PPAT: variants seen among roughly 807,000 people sequenced by gnomAD.
PPAT encodes the protein phosphoribosyl pyrophosphate amidotransferase, also known as amidophosphoribosyltransferase.
Under a neutral mutation model 60.2 loss-of-function variants are expected in PPAT, and 20 were observed. That is an observed-to-expected ratio of 0.33 (90% CI 0.23 to 0.48). The LOEUF (loss-of-function observed/expected upper bound fraction) is 0.48, where lower values mean the gene tolerates loss of function less well. Ranked by LOEUF, PPAT falls within the 20% of genes least tolerant of loss-of-function variation. The probability of loss-of-function intolerance (pLI) is 0.99; values close to 1 mark genes in which losing one functional copy is unlikely to be tolerated. For missense variants in PPAT, 349 were observed against 629.6 expected (o/e 0.55, Z 4.77); for synonymous variants, 194 against 215.1 (o/e 0.90, Z 0.86).
At chr4:56,413,282 G>A (rs922080661) in intron 1 of PPAT, among the ~76,000 whole-genome samples, 11 of 152,068 alleles carry the variant, frequency 7.2e-5, no homozygotes, top group African/African-American at 2.7e-4. Flanking sequence ...TCAGCCTCCT[G>A]AGCTGGGATT....
At chr4:56,409,217 T>C (rs111767597) in intron 1 of PPAT, among the ~76,000 whole-genome samples, 70 of 152,356 alleles carry the variant, frequency 4.6e-4, no homozygotes, top group African/African-American at 1.7e-3. Flanking sequence ...GAAAGGAAGT[T>C]ACTTTCCCAT....
chr4:56,411,722 C>T (rs964560597), intron 1 of PPAT, among the ~76,000 whole-genome samples: 2 of 152,120 alleles, frequency 1.3e-5, no homozygotes, highest in Non-Finnish European at 2.9e-5. Flanking sequence ...AAGTTATATG[C>T]GTTTAGTAAT....
At chr4:56,399,427 TGAG>T (rs1270258443) in intron 8 of PPAT, 27 bp from the exon 9 acceptor site, 1 of 1,554,208 alleles carries the variant, frequency 6.4e-7, no homozygotes, top group Non-Finnish European at 8.9e-7. Flanking sequence ...GAAAGGATAA[TGAG>T]GAGTAATATA....
intron 1 of PPAT, chr4:56,410,498 T>C: frequency 1.0e-6 from 1 of 985,470 alleles, no homozygotes; most frequent in Non-Finnish European, 1.2e-6. Context: ...AGTGAATCAT[T>C]TCCAGGTCAC....
chr4:56,395,409 CTT>C lies in PPAT; in HGVS notation c.1495_1496del (p.Lys499GlufsTer27). The C allele has an allele frequency of 6.2e-7, 1 of 1,611,026 alleles. No individual in the cohort carries two copies. Among genetic ancestry groups the C allele is most frequent in the Non-Finnish European group, 8.5e-7 (1 of 1,178,244 alleles). ...ENGNGLECFE[K>X]SGHCTACLTG... ...TGAGACAAGCTGTACAATGACCACT[CTT>C]TTCAAAACATTCCAGACCATTTCCA... On this transcript the variant is annotated frameshift_variant, in exon 11 of 11. Coordinates refer to ENST00000264220, the MANE Select transcript of PPAT (RefSeq NM_002703.5). LOFTEE classifies it high-confidence loss of function.
At chr4:56,430,968 T>C (rs1256526930) in intron 1 of PPAT, among the ~76,000 whole-genome samples, 1 of 152,006 alleles carries the variant, frequency 6.6e-6, no homozygotes, top group East Asian at 1.9e-4. Context: ...TAAATTCTGC[T>C]TCAGACTAAT....
intron 1 of PPAT, among the ~76,000 whole-genome samples, chr4:56,430,044 T>C (rs1717500268): frequency 6.6e-6 from 1 of 152,156 alleles, no homozygotes; most frequent in South Asian, 2.1e-4. Flanking sequence ...GAGGATCACT[T>C]GAACTCAGGA....
At chr4:56,401,502 AAAG>A (rs754048656) in intron 6 of PPAT, 21 bp from the exon 7 acceptor site, 23 of 1,568,032 alleles carry the variant, frequency 1.5e-5, no homozygotes, top group South Asian at 7.1e-5. Flanking sequence ...AATGTTAAAG[AAAG>A]AAGACTTTTA....
At chr4:56,416,069 CAAAA>C (rs34117895) in intron 1 of PPAT, among the ~76,000 whole-genome samples, 8 of 139,476 alleles carry the variant, frequency 5.7e-5, no homozygotes, top group Middle Eastern at 3.7e-3. Flanking sequence ...GACTCTGTCT[CAAAA>C]AAAAAAAAAA....
At position 56,404,645 on chromosome 4, in the gene PPAT, A is replaced by T. The variant is rs186605830; in HGVS notation, c.403-1244T>A. Among the ~76,000 whole-genome samples, 394 of 151,994 alleles carry T rather than the reference A, an allele frequency of 2.6e-3. 3 individuals are homozygous for T. The highest frequency in any genetic ancestry group is 9.1e-3 in the African/African-American group (377 of 41,458). On this transcript the variant is annotated intron_variant, in intron 3 of 10. Transcript: ENST00000264220. ...GGTTATCTCTAAGTGGTGAATTTTT[A>T]AGAAATTTTTACTCCATATTTATAC...
intron 3 of PPAT, among the ~76,000 whole-genome samples, chr4:56,404,949 C>T (rs933288747): frequency 2.0e-5 from 3 of 152,016 alleles, no homozygotes; most frequent in African/African-American, 7.3e-5. Flanking sequence ...GTGCATGTAA[C>T]CATCTATTAC....
At chr4:56,403,896 T>C in intron 3 of PPAT, 1 of 305,666 alleles carries the variant, frequency 3.3e-6, no homozygotes, top group South Asian at 2.9e-5. Flanking sequence ...CTAATGCTGC[T>C]GCTGATCTGG....
intron 3 of PPAT, among the ~76,000 whole-genome samples, chr4:56,406,192 G>A (rs1000293847): frequency 1.3e-5 from 2 of 152,120 alleles, no homozygotes; most frequent in Non-Finnish European, 2.9e-5. Context: ...GAGATAGCAA[G>A]TCCATAAACT....
At chr4:56,409,277 AC>A (rs1433663625) in intron 1 of PPAT, among the ~76,000 whole-genome samples, 2 of 152,200 alleles carry the variant, frequency 1.3e-5, no homozygotes, top group African/African-American at 4.8e-5. Flanking sequence ...AGACAATCCA[AC>A]TGCAGAATTT....
chr4:56,406,545 C>G lies in PPAT; in HGVS notation c.352G>C (p.Ala118Pro). 3.7e-6 allele frequency: 6 copies of G among 1,613,170 alleles called. No homozygotes were observed. The highest frequency in any genetic ancestry group is 5.1e-6 in the Non-Finnish European group (6 of 1,180,006). Residue 118 changes from alanine (A) to proline (P), a missense_variant, in exon 3 of 11, where the codon GCT becomes CCT. Ala to Pro is a conservative substitution (Grantham distance 27). Transcript: ENST00000264220. ...FVVETLHGKI[A>P]VAHNGELVNA... ...ACCAATTCGCCATTATGTGCCACAG[C>G]TATCTTCCCATGAAGTGTTTCAACA...
chr4:56,435,491 G>A lies in PPAT; in HGVS notation c.-14C>T, dbSNP rs1438933888. The A allele has an allele frequency of 1.2e-6, 2 of 1,613,028 alleles. No individual in the cohort carries two copies. Among genetic ancestry groups the A allele is most frequent in the African/African-American group, 1.3e-5 (1 of 74,908 alleles). ...CTCCAGCTCCATGTCGCCGCCGAAA[G>A]CACGTGGAAGGACCTGCCGCTGCGG... On this transcript the variant is annotated 5_prime_UTR_variant, in exon 1 of 11. Transcript: ENST00000264220.
intron 1 of PPAT, chr4:56,425,504 T>C (rs568811946): frequency 1.9e-5 from 6 of 309,426 alleles, no homozygotes; most frequent in African/African-American, 1.1e-4. Flanking sequence ...TATGAAGTCA[T>C]GATTTTTCTA....
At chr4:56,416,433 A>T in intron 1 of PPAT, 1 of 679,124 alleles carries the variant, frequency 1.5e-6, no homozygotes, top group Non-Finnish European at 1.8e-6. Context: ...AGACCAATGG[A>T]ACTAGGTATA....
At chr4:56,427,403 G>T (rs1180845713) in intron 1 of PPAT, among the ~76,000 whole-genome samples, 1 of 152,152 alleles carries the variant, frequency 6.6e-6, no homozygotes, top group Non-Finnish European at 1.5e-5. Flanking sequence ...GGCATATGCT[G>T]AAAGTTTCTG....
Sources: allele counts gnomAD v4.1 joint callset (sites outside exome capture counted in the v4.1 genomes callset), GRCh38; gene constraint gnomAD v4.1.1; transcripts MANE v1.5; gene names NCBI Gene and HGNC (gene_info 2026-07-23, HGNC 2026-07-21).